The following KCTD1 variants were observed in gnomAD, a reference collection of about 807,000 sequenced individuals.
KCTD1 encodes potassium channel tetramerization domain containing 1.
A neutral mutation model predicts 66.0 loss-of-function variants in KCTD1; 24 were observed. That is an observed-to-expected ratio of 0.36 (90% CI 0.26 to 0.51). The LOEUF (loss-of-function observed/expected upper bound fraction) is 0.51. Among genes scored for constraint, KCTD1 ranks in the 20% least tolerant of loss-of-function variants. The pLI, the probability that KCTD1 is intolerant of heterozygous loss-of-function variation, is 0.95. For missense variants in KCTD1, 943 were observed against 1,205.2 expected, an observed-to-expected ratio of 0.78 and a Z score of 3.22; for synonymous variants, 511 against 517.2, an observed-to-expected ratio of 0.99 and a Z score of 0.16.
rs1981370652 is a variant in KCTD1, at chr18:26,476,739, T to C, written c.1989-80A>G. 1.5e-6 allele frequency: 2 copies of C among 1,298,826 alleles called. No individual in the cohort carries two copies. Among genetic ancestry groups the C allele is most frequent in the Non-Finnish European group, 2.2e-6 (2 of 921,934 alleles). The allele number at this position is 1,298,826 out of a possible 1,614,324, so 80.5% of individuals were successfully genotyped here. Reference sequence around the variant, plus strand: ...AGGACTAAGAGGTGTCTTTTATCACTGTCAAAGGTAGCACTTTTGAAGATG... The same window carrying C: ...AGGACTAAGAGGTGTCTTTTATCACCGTCAAAGGTAGCACTTTTGAAGATG... On this transcript the variant is annotated intron_variant, in intron 2 of 4. Transcript: ENST00000580059. The surrounding 1 kb of genome is among the most constrained non-coding windows in gnomAD (Gnocchi z 4.9).
At chr18:26,580,919 G>A (rs1288596078) in intron 1 of KCTD1, among the ~76,000 whole-genome samples, 1 of 152,180 alleles carries the variant, frequency 6.6e-6, no homozygotes, top group South Asian at 2.1e-4. Context: ...TCTTGGCTGC[G>A]TTTGTGCTGA....
At chr18:26,620,348 TAAAAAAA>T (rs10594272) in intron 1 of KCTD1, among the ~76,000 whole-genome samples, 5,230 of 87,194 alleles carry the variant, frequency 0.06, 234 homozygotes, top group South Asian at 0.13. Flanking sequence ...AGGTAAATCT[TAAAAAAA>T]AAAAAAAAAA....
intron 1 of KCTD1, among the ~76,000 whole-genome samples, chr18:26,618,300 GA>G (rs1410719440): frequency 7.2e-5 from 11 of 152,192 alleles, no homozygotes; most frequent in Non-Finnish European, 1.6e-4. Context: ...TTACCTCCAA[GA>G]AGTTAATTGA....
At chr18:26,529,511 T>G (rs1379058263) in intron 1 of KCTD1, among the ~76,000 whole-genome samples, 1 of 152,170 alleles carries the variant, frequency 6.6e-6, no homozygotes, top group Non-Finnish European at 1.5e-5. Context: ...TAGTCCAAAA[T>G]CCTTCTCTCT....
At chr18:26,457,609 A>T (rs1394342478) in intron 4 of KCTD1, 1 of 152,208 alleles carries the variant, frequency 6.6e-6, no homozygotes, top group Non-Finnish European at 1.5e-5. Flanking sequence ...ATTCAATGTG[A>T]TCCAATGTTA....
At chr18:26,481,934 G>A (rs1299115193) in intron 2 of KCTD1, among the ~76,000 whole-genome samples, 1 of 152,184 alleles carries the variant, frequency 6.6e-6, no homozygotes. Context: ...AGAGACCAAC[G>A]AGGAGGCAAG....
At chr18:26,525,079 A>C (rs1276090951) in intron 1 of KCTD1, among the ~76,000 whole-genome samples, 1 of 152,198 alleles carries the variant, frequency 6.6e-6, no homozygotes, top group Non-Finnish European at 1.5e-5. Flanking sequence ...GCCAATCCCC[A>C]ACACCTTCCT....
chr18:26,456,107 A>G (rs983066570), intron 4 of KCTD1: 8 of 544,522 alleles, frequency 1.5e-5, no homozygotes, highest in African/African-American at 3.8e-5. Context: ...TGTGCCTTTC[A>G]TGCTTGCTTT....
At chr18:26,613,906 C>T (rs1030635440) in intron 1 of KCTD1, among the ~76,000 whole-genome samples, 8 of 152,204 alleles carry the variant, frequency 5.3e-5, no homozygotes, top group African/African-American at 1.9e-4. Context: ...CTCACCCCCT[C>T]ATTTCATTCA....
intron 1 of KCTD1, among the ~76,000 whole-genome samples, chr18:26,555,383 C>G (rs946690873): frequency 1.3e-5 from 2 of 152,158 alleles, no homozygotes; most frequent in African/African-American, 4.8e-5. Flanking sequence ...CGAGATTGCG[C>G]CACTGCACTC....
intron 1 of KCTD1, chr18:26,543,577 T>C (rs1985074788): frequency 6.6e-6 from 1 of 152,300 alleles, no homozygotes; most frequent in Admixed American, 6.5e-5. Flanking sequence ...CAACTAACTG[T>C]GTCAGCCTGC....
chr18:26,531,600 A>C (rs1279148295), intron 1 of KCTD1, among the ~76,000 whole-genome samples: 1 of 152,246 alleles, frequency 6.6e-6, no homozygotes, highest in African/African-American at 2.4e-5. Flanking sequence ...CAGTGTACTT[A>C]AACTTTGATC....
chr18:26,622,673 T>C (rs1226837867), intron 1 of KCTD1, among the ~76,000 whole-genome samples: 3 of 151,878 alleles, frequency 2.0e-5, no homozygotes, highest in Non-Finnish European at 4.4e-5. Context: ...GAAAAGAGCC[T>C]AGTTTGGGTG....
chr18:26,457,349 C>T (rs1247006522), intron 4 of KCTD1: 1 of 152,200 alleles, frequency 6.6e-6, no homozygotes, highest in Non-Finnish European at 1.5e-5. Flanking sequence ...CAGCTCCCTC[C>T]ATGGATTCCC....
chr18:26,496,055 TAAA>T (rs1214225629), intron 2 of KCTD1, among the ~76,000 whole-genome samples: 1 of 152,198 alleles, frequency 6.6e-6, no homozygotes, highest in African/African-American at 2.4e-5. Flanking sequence ...CAGTAGATCT[TAAA>T]GAAGCCATAT....
At chr18:26,489,954 T>C (rs958314060) in intron 2 of KCTD1, among the ~76,000 whole-genome samples, 17 of 152,224 alleles carry the variant, frequency 1.1e-4, no homozygotes, top group Non-Finnish European at 2.2e-4. Context: ...ATAAAAGTTC[T>C]TTCTGGTATG....
Position 26,548,544 on chromosome 18 carries a change from T to TCTCTCTGCCAGTCCTCGGGCAGGGCGCA in KCTD1, c.-9_-8insTGCGCCCTGCCCGAGGACTGGCAGAGAG. On this transcript the variant is annotated 5_prime_UTR_variant, in exon 1 of 5. Transcript: ENST00000580059. ...GCCAGGCATTCTCGCCATATTGCCGTCTCTCTGCCAGTCCTCGGGCAGGGC... is the reference window on the plus strand; with the variant it reads ...GCCAGGCATTCTCGCCATATTGCCGTCTCTCTGCCAGTCCTCGGGCAGGGCGCACTCTCTGCCAGTCCTCGGGCAGGGC... 2.5e-6 allele frequency: 3 copies of TCTCTCTGCCAGTCCTCGGGCAGGGCGCA among 1,215,350 alleles called. No homozygotes were observed. The highest frequency in any genetic ancestry group is 3.1e-6 in the Non-Finnish European group (3 of 979,564). The allele number at this position is 1,215,350 out of a possible 1,614,324, so 75.3% of individuals were successfully genotyped here.
At chr18:26,510,134 G>A (rs1007810652) in intron 1 of KCTD1, among the ~76,000 whole-genome samples, 4 of 152,314 alleles carry the variant, frequency 2.6e-5, no homozygotes, top group South Asian at 2.1e-4. Flanking sequence ...GTCGCTGAGC[G>A]GCAAGGCCCA....
intron 3 of KCTD1, among the ~76,000 whole-genome samples, chr18:26,464,169 A>T (rs1197368822): frequency 6.6e-6 from 1 of 152,262 alleles, no homozygotes; most frequent in East Asian, 1.9e-4. Context: ...TCTTCAGGTC[A>T]GAAGTCGGAA....
Sources: allele counts gnomAD v4.1 joint callset (sites outside exome capture counted in the v4.1 genomes callset), GRCh38; gene constraint gnomAD v4.1.1; non-coding constraint Gnocchi (gnomAD v3.1); transcripts MANE v1.5; gene names NCBI Gene and HGNC (gene_info 2026-07-23, HGNC 2026-07-21).